ACOXL: variants seen among roughly 807,000 people sequenced by gnomAD.
ACOXL encodes acyl-CoA oxidase like, also known as acyl-coenzyme A oxidase-like protein.
ACOXL carries 70 observed loss-of-function variants against 71.9 expected under a neutral mutation model. The observed-to-expected ratio is 0.97, with a 90% CI of 0.80 to 1.19. The LOEUF is 1.19. Ranked by LOEUF, ACOXL falls within the 50% of genes most tolerant of loss-of-function variation. The pLI, the probability that ACOXL is intolerant of heterozygous loss-of-function variation, is 0.00. For missense variants in ACOXL, 703 were observed against 736.3 expected (o/e 0.95, Z 0.52); for synonymous variants, 253 against 281.6 (o/e 0.90, Z 1.02).
chr2:110,825,700 G>A (rs1043153118), intron 9 of ACOXL, among the ~76,000 whole-genome samples: 2 of 152,070 alleles, frequency 1.3e-5, no homozygotes, highest in East Asian at 3.9e-4. Flanking sequence ...CATTTATGCC[G>A]TTTGCAAGGT....
intron 1 of ACOXL, among the ~76,000 whole-genome samples, chr2:110,758,945 T>G (rs1680034628): frequency 6.6e-6 from 1 of 152,240 alleles, no homozygotes; most frequent in African/African-American, 2.4e-5. Context: ...CCAAGACTCA[T>G]TCAGGAGCAG....
At chr2:110,784,304 G>A (rs1209167772) in intron 2 of ACOXL, among the ~76,000 whole-genome samples, 1 of 152,112 alleles carries the variant, frequency 6.6e-6, no homozygotes, top group Non-Finnish European at 1.5e-5. Flanking sequence ...GGCATTCTTT[G>A]TTGGTTGGGG....
chr2:110,810,180 A>G (rs1180485316), intron 9 of ACOXL, among the ~76,000 whole-genome samples: 1 of 151,850 alleles, frequency 6.6e-6, no homozygotes, highest in Non-Finnish European at 1.5e-5. Context: ...AATAATCTCA[A>G]TGTTTGTGGC....
chr2:111,022,340 A>AG (rs1444470775), intron 14 of ACOXL, among the ~76,000 whole-genome samples: 2 of 152,140 alleles, frequency 1.3e-5, no homozygotes, highest in South Asian at 2.1e-4. Context: ...ACTCCAGCCT[A>AG]GGTGACAAGA....
At chr2:110,859,247 G>A (rs910487790) in intron 10 of ACOXL, among the ~76,000 whole-genome samples, 1 of 152,214 alleles carries the variant, frequency 6.6e-6, no homozygotes, top group Admixed American at 6.5e-5. Context: ...CGGACGCTGT[G>A]TAGTCTGGGT....
intron 13 of ACOXL, among the ~76,000 whole-genome samples, chr2:110,990,161 T>C (rs1432848396): frequency 6.6e-6 from 1 of 152,234 alleles, no homozygotes; most frequent in Non-Finnish European, 1.5e-5. Flanking sequence ...ATCTATATAC[T>C]TGCAGAAAAT....
intron 3 of ACOXL, 91 bp downstream of exon 3, chr2:110,784,906 C>A: frequency 8.3e-7 from 1 of 1,198,182 alleles, no homozygotes; most frequent in Non-Finnish European, 1.1e-6. Flanking sequence ...CTCTCTCAGT[C>A]TATGTAGTGG....
At chr2:110,813,575 C>T (rs1201976407) in intron 9 of ACOXL, among the ~76,000 whole-genome samples, 1 of 152,188 alleles carries the variant, frequency 6.6e-6, no homozygotes, top group East Asian at 1.9e-4. Flanking sequence ...CCTGGAAGGT[C>T]AGATATGGAT....
At chr2:110,944,811 G>A (rs544863511) in intron 12 of ACOXL, among the ~76,000 whole-genome samples, 11 of 152,238 alleles carry the variant, frequency 7.2e-5, no homozygotes, top group Admixed American at 2.6e-4. Context: ...GAACATACGC[G>A]TGCATGTGTC....
intron 15 of ACOXL, among the ~76,000 whole-genome samples, chr2:111,043,171 C>T (rs2065863717): frequency 6.6e-6 from 1 of 152,160 alleles, no homozygotes; most frequent in Non-Finnish European, 1.5e-5. Flanking sequence ...TGCTTTCTGA[C>T]AGGGCAGGCT....
intron 10 of ACOXL, among the ~76,000 whole-genome samples, chr2:110,907,134 G>A (rs560540342): frequency 1.4e-4 from 22 of 152,344 alleles, no homozygotes; most frequent in African/African-American, 5.3e-4. Context: ...TCAAGGCACT[G>A]ACAGGTCTGG....
chr2:110,736,563 C>T (rs2104650827), intron 1 of ACOXL, among the ~76,000 whole-genome samples: 1 of 152,122 alleles, frequency 6.6e-6, no homozygotes, highest in Middle Eastern at 3.4e-3. Context: ...AAAATTCCCT[C>T]CTTTTTGAAG....
intron 10 of ACOXL, among the ~76,000 whole-genome samples, chr2:110,858,046 G>A (rs988253421): frequency 6.6e-6 from 1 of 152,154 alleles, no homozygotes; most frequent in African/African-American, 2.4e-5. Flanking sequence ...GTACCTTAAA[G>A]TGCATCTCAG....
At chr2:110,755,858 TACCCAAAAGG>T in intron 1 of ACOXL, among the ~76,000 whole-genome samples, 1 of 152,130 alleles carries the variant, frequency 6.6e-6, no homozygotes, top group Non-Finnish European at 1.5e-5. Flanking sequence ...CCACCCCACA[TACCCAAAAGG>T]TAAAAACTGT....
chr2:111,054,748 T>G (rs1037032263), intron 16 of ACOXL, among the ~76,000 whole-genome samples: 5 of 152,202 alleles, frequency 3.3e-5, no homozygotes, highest in Non-Finnish European at 7.3e-5. Flanking sequence ...TGAATCCTCC[T>G]GGCAACCAAA....
At chr2:110,988,638 C>T (rs2149558210) in intron 13 of ACOXL, among the ~76,000 whole-genome samples, 1 of 152,178 alleles carries the variant, frequency 6.6e-6, no homozygotes, top group East Asian at 1.9e-4. Context: ...CCCCCATTAG[C>T]AGCATGTATC....
intron 12 of ACOXL, among the ~76,000 whole-genome samples, chr2:110,953,942 C>G (rs2061415405): frequency 1.3e-5 from 2 of 152,228 alleles, no homozygotes; most frequent in Non-Finnish European, 2.9e-5. Flanking sequence ...TCACTTCCCA[C>G]CAGACCGCTG....
At chr2:110,860,123 TG>T (rs1451374637) in intron 10 of ACOXL, among the ~76,000 whole-genome samples, 1 of 152,176 alleles carries the variant, frequency 6.6e-6, no homozygotes, top group African/African-American at 2.4e-5. Flanking sequence ...TTTTTGTTTT[TG>T]TTTTGAGGTG....
intron 10 of ACOXL, among the ~76,000 whole-genome samples, chr2:110,882,012 T>C (rs4849165): frequency 0.33 from 49,932 of 151,996 alleles, 8,393 homozygotes; most frequent in Middle Eastern, 0.39. Context: ...GGTTAGATCA[T>C]GTAGTCGGTG....
Sources: gnomAD v4.1 joint callset for allele counts (sites outside exome capture counted in the v4.1 genomes callset) on GRCh38, gnomAD v4.1.1 for gene constraint, MANE v1.5 for transcripts, NCBI Gene and HGNC (gene_info 2026-07-23, HGNC 2026-07-21) for gene names.